The following CDC123 variants were observed in gnomAD, a reference collection of about 807,000 sequenced individuals.
CDC123 encodes translation initiation factor eIF2 assembly protein.
Under a neutral mutation model 54.4 loss-of-function variants are expected in CDC123, and 37 were observed. The observed-to-expected ratio is 0.68, with a 90% confidence interval of 0.52 to 0.89. The LOEUF is 0.89. Ranked by LOEUF, CDC123 falls within the 40% of genes least tolerant of loss-of-function variation. CDC123 has a pLI of 0.00. For missense variants in CDC123, 361 were observed against 412.1 expected, an observed-to-expected ratio of 0.88 and a Z score of 1.07; for synonymous variants, 144 against 136.8, an observed-to-expected ratio of 1.05 and a Z score of -0.37.
intron 2 of CDC123, among the ~76,000 whole-genome samples, chr10:12,209,100 G>A (rs1326892337): frequency 6.6e-6 from 1 of 152,074 alleles, no homozygotes; most frequent in Non-Finnish European, 1.5e-5. Flanking sequence ...CATATACTGA[G>A]GTTCAGAGTC....
intron 7 of CDC123, among the ~76,000 whole-genome samples, chr10:12,231,621 G>A (rs1299107597): frequency 1.0e-5 from 1 of 97,850 alleles, no homozygotes; most frequent in East Asian, 3.4e-4. Flanking sequence ...GTGAAACTCC[G>A]TCTCAAAAAA....
rs1835654872 is a variant in CDC123, at chr10:12,215,810, C to G, written c.308C>G (p.Pro103Arg). ...AATTCCCTCGGGGGCAGTGTCTTTC[C>G]TAAGCTTAATTGGAGTGCCCCAAGG... ...AINSLGGSVF[P>R]KLNWSAPRDA... is the part of the protein sequence containing the mutation. Residue 103 changes from proline (P) to arginine (R), a missense_variant, in exon 5 of 13, where the codon CCT becomes CGT. Pro to Arg is a moderately radical substitution (Grantham distance 103). Coordinates refer to ENST00000281141, the MANE Select transcript of CDC123 (RefSeq NM_006023.3). The G allele has an allele frequency of 6.2e-7, 1 of 1,611,488 alleles. No individual in the cohort carries two copies. The highest frequency in any genetic ancestry group is 1.3e-5 in the African/African-American group (1 of 74,758).
At chr10:12,225,746 C>CTTTTTTTTTT (rs60404885) in intron 6 of CDC123, among the ~76,000 whole-genome samples, 14 of 66,960 alleles carry the variant, frequency 2.1e-4, no homozygotes, top group Non-Finnish European at 2.9e-4. Flanking sequence ...TAGCTTCTCT[C>CTTTTTTTTTT]TTTTTTTTTT....
intron 7 of CDC123, among the ~76,000 whole-genome samples, chr10:12,233,542 T>C (rs963233012): frequency 6.6e-6 from 1 of 152,070 alleles, no homozygotes; most frequent in Non-Finnish European, 1.5e-5. Flanking sequence ...ATAAATTGTG[T>C]GCTACAATTG....
chr10:12,199,975 C>A (rs1349394069), intron 2 of CDC123, among the ~76,000 whole-genome samples: 3 of 151,686 alleles, frequency 2.0e-5, no homozygotes, highest in African/African-American at 7.3e-5. Context: ...GCGCCCACCA[C>A]CACGCCTGGC....
intron 6 of CDC123, among the ~76,000 whole-genome samples, chr10:12,228,673 C>T (rs775946770): frequency 3.9e-5 from 6 of 152,144 alleles, no homozygotes; most frequent in Non-Finnish European, 5.9e-5. Flanking sequence ...CAGGTTCAAG[C>T]GATTCTCCTG....
chr10:12,208,258 T>A (rs1294607159), intron 2 of CDC123, among the ~76,000 whole-genome samples: 1 of 152,182 alleles, frequency 6.6e-6, no homozygotes, highest in African/African-American at 2.4e-5. Flanking sequence ...AGGCTAGTTA[T>A]TTGTAGTTGT....
intron 6 of CDC123, among the ~76,000 whole-genome samples, chr10:12,221,862 A>G (rs555312243): frequency 6.6e-6 from 1 of 152,040 alleles, no homozygotes; most frequent in African/African-American, 2.4e-5. Context: ...GCCCAAGACA[A>G]TTCTTCCTCT....
In CDC123 at chr10:12,231,004, G is replaced by A; in HGVS notation, c.489+8G>A. On this transcript the variant is annotated splice_region_variant and intron_variant, in intron 7 of 12. Transcript: ENST00000281141. ...CCATGTATAGAATATGAGGTAAGAAGCTTATTTTCTTTGATAATTGTAGAT... is the reference window on the plus strand; with the variant it reads ...CCATGTATAGAATATGAGGTAAGAAACTTATTTTCTTTGATAATTGTAGAT... The A allele has an allele frequency of 6.3e-7, 1 of 1,596,946 alleles. No individual in the cohort carries two copies. The highest frequency in any genetic ancestry group is 8.6e-7 in the Non-Finnish European group (1 of 1,168,842).
chr10:12,206,907 T>C (rs1343324549), intron 2 of CDC123, among the ~76,000 whole-genome samples: 2 of 140,320 alleles, frequency 1.4e-5, no homozygotes, highest in Non-Finnish European at 3.0e-5. Flanking sequence ...TGCAATGAGC[T>C]GAAATCACGC....
At chr10:12,199,934 T>G (rs1835417484) in intron 2 of CDC123, among the ~76,000 whole-genome samples, 1 of 151,738 alleles carries the variant, frequency 6.6e-6, no homozygotes, top group East Asian at 1.9e-4. Context: ...GCTATTCTCC[T>G]GCCTCAGCCT....
At chr10:12,249,829 T>C (rs1836216771) in intron 12 of CDC123, 111 bp downstream of exon 12, 2 of 1,350,260 alleles carry the variant, frequency 1.5e-6, no homozygotes, top group South Asian at 3.4e-5. Context: ...TTGATGGTTA[T>C]GAATGGAACC....
At chr10:12,220,236 TG>T (rs568483779) in intron 6 of CDC123, among the ~76,000 whole-genome samples, 20 of 152,354 alleles carry the variant, frequency 1.3e-4, no homozygotes, top group South Asian at 4.1e-4. Flanking sequence ...CTGAGGCTGA[TG>T]TTTTTTTTAA....
At chr10:12,199,777 A>C (rs915114358) in intron 2 of CDC123, among the ~76,000 whole-genome samples, 11 of 152,168 alleles carry the variant, frequency 7.2e-5, no homozygotes, top group African/African-American at 2.4e-4. Context: ...ACAGTAGGAA[A>C]GTCAGATAAG....
At chr10:12,221,724 T>A (rs1194742193) in intron 6 of CDC123, among the ~76,000 whole-genome samples, 2 of 150,978 alleles carry the variant, frequency 1.3e-5, no homozygotes, top group African/African-American at 4.8e-5. Context: ...TTTATTTATT[T>A]ATTAAAATTT....
At chr10:12,235,220 GA>G in intron 8 of CDC123, 97 bp downstream of exon 8, 1 of 998,132 alleles carries the variant, frequency 1.0e-6, no homozygotes. Flanking sequence ...TTAGGACAGG[GA>G]TGTCAATCTG....
At chr10:12,234,297 T>C (rs1264159999) in intron 7 of CDC123, among the ~76,000 whole-genome samples, 1 of 152,176 alleles carries the variant, frequency 6.6e-6, no homozygotes, top group Non-Finnish European at 1.5e-5. Context: ...TTTCACATGT[T>C]GGAGCGCAAT....
At chr10:12,212,385 A>G (rs2131738189) in intron 4 of CDC123, among the ~76,000 whole-genome samples, 1 of 152,368 alleles carries the variant, frequency 6.6e-6, no homozygotes, top group South Asian at 2.1e-4. Context: ...CAATGATGTG[A>G]CATGACAAAA....
At chr10:12,206,168 A>G (rs1835516520) in intron 2 of CDC123, among the ~76,000 whole-genome samples, 1 of 152,234 alleles carries the variant, frequency 6.6e-6, no homozygotes, top group Non-Finnish European at 1.5e-5. Flanking sequence ...TACAGTAGGC[A>G]CTGCAATAAT....
Sources: gnomAD v4.1 joint callset for allele counts (sites outside exome capture counted in the v4.1 genomes callset) on GRCh38, gnomAD v4.1.1 for gene constraint, MANE v1.5 for transcripts, NCBI Gene and HGNC (gene_info 2026-07-23, HGNC 2026-07-21) for gene names.